PARP8: variants seen among roughly 807,000 people sequenced by gnomAD.
PARP8 encodes the protein protein mono-ADP-ribosyltransferase PARP8.
Under a neutral mutation model 124.1 loss-of-function variants are expected in PARP8, and 51 were observed. The ratio of observed to expected loss-of-function variants is 0.41; its 90% CI spans 0.33 to 0.52. The LOEUF (loss-of-function observed/expected upper bound fraction) is 0.52, where lower values mean the gene tolerates loss of function less well. PARP8 is among the 20% of genes least tolerant of loss of function. The pLI is 0.21. For missense variants in PARP8, 860 were observed against 1,018.9 expected (o/e 0.84, Z 2.12); for synonymous variants, 391 against 361.5 (o/e 1.08, Z -0.93).
rs1746592290 is a variant in PARP8, at chr5:50,828,508, T to A, written c.2163+124T>A. 8.8e-6 allele frequency: 7 copies of A among 799,952 alleles called. No homozygotes were observed. In the East Asian group the frequency reaches 1.7e-4, roughly 20 times the overall value. The allele number at this position is 799,952 out of a possible 1,614,324, so 49.6% of individuals were successfully genotyped here. ...ATGTGAGTAAGACATTATATGGAAT[T>A]TCTAGTAGGCATACTAGAACTGAAG... On this transcript the variant is annotated intron_variant, in intron 21 of 25. Transcript: ENST00000281631.
chr5:50,692,922 T>G (rs756714352), intron 2 of PARP8, among the ~76,000 whole-genome samples: 5 of 152,174 alleles, frequency 3.3e-5, no homozygotes, highest in Non-Finnish European at 7.4e-5. Context: ...CAGAGAGTTC[T>G]TTGAAGCAGG....
chr5:50,753,122 A>AG (rs1759443713), intron 3 of PARP8, among the ~76,000 whole-genome samples: 1 of 152,050 alleles, frequency 6.6e-6, no homozygotes, highest in African/African-American at 2.4e-5. Context: ...TTTATTTTGA[A>AG]GACAGTTTTT....
chr5:50,763,542 T>C (rs944839089), intron 7 of PARP8, among the ~76,000 whole-genome samples: 1 of 152,110 alleles, frequency 6.6e-6, no homozygotes, highest in Non-Finnish European at 1.5e-5. Flanking sequence ...GGGCCCATGC[T>C]GTTATCATAA....
intron 11 of PARP8, 90 bp downstream of exon 11, chr5:50,794,422 A>C: frequency 6.9e-7 from 1 of 1,442,490 alleles, no homozygotes; most frequent in South Asian, 1.5e-5. Context: ...TAGTGTTGGC[A>C]TCTGTTTATT....
At chr5:50,790,790 G>A (rs61302972) in intron 10 of PARP8, among the ~76,000 whole-genome samples, 2,371 of 152,120 alleles carry the variant, frequency 0.016, 66 homozygotes, top group African/African-American at 0.055. Context: ...ATCCCTATCC[G>A]AGTGATTAAT....
chr5:50,773,985 G>T (rs1280227708), intron 7 of PARP8, among the ~76,000 whole-genome samples: 1 of 152,074 alleles, frequency 6.6e-6, no homozygotes, highest in Admixed American at 6.5e-5. Flanking sequence ...GGTCCCTGCG[G>T]CCTTCCACAG....
chr5:50,667,602 G>T (rs1749468492), intron 1 of PARP8: 1 of 699,248 alleles, frequency 1.4e-6, no homozygotes, highest in African/African-American at 1.7e-5. Context: ...CGCTGCGCTT[G>T]TAAGCTGCGC....
chr5:50,791,651 G>A (rs1741968679), intron 10 of PARP8, among the ~76,000 whole-genome samples: 1 of 152,110 alleles, frequency 6.6e-6, no homozygotes, highest in Non-Finnish European at 1.5e-5. Context: ...ATCATTCAAA[G>A]GCTCAGCATA....
In PARP8 at chr5:50,833,980, C is replaced by A; in HGVS notation, c.2309C>A (p.Ser770Ter). The change falls in exon 24 of 26, where the codon TCA (serine) becomes TAA (stop). Residue 770 changes from serine (S) to a stop codon, truncating the protein, a stop_gained and splice_region_variant. Transcript: ENST00000281631. LOFTEE classifies it high-confidence loss of function. ...SSSKSSNTSQ[S>*]QKKGQQSQFL... is the part of the protein sequence containing the mutation. ...GTTTTAATTGTTTTTGGAATTTAGT[C>A]ACAGAAAAAAGGACAGCAATCCCAA... 6.2e-7 allele frequency: 1 copy of A among 1,608,946 alleles called. No individual in the cohort carries two copies. Among genetic ancestry groups the A allele is most frequent in the South Asian group, 1.1e-5 (1 of 90,788 alleles).
At position 50,703,458 on chromosome 5, in the gene PARP8, C is replaced by A. The variant is rs534166780; in HGVS notation, c.146+35333C>A. Among the ~76,000 whole-genome samples, 14 of 152,150 alleles carry A rather than the reference C, an allele frequency of 9.2e-5. No individual in the cohort carries two copies. In the South Asian group the frequency reaches 1.0e-3, roughly 11 times the overall value. ...ACTGTCCTGCTCAATGAGATCATTT[C>A]TTGGAGGTCTCCTTAGGGGGGTTTG... On this transcript the variant is annotated intron_variant, in intron 2 of 25. Coordinates refer to ENST00000281631, the MANE Select transcript of PARP8 (RefSeq NM_024615.4).
chr5:50,730,149 C>T (rs141456528), intron 2 of PARP8, among the ~76,000 whole-genome samples: 7 of 152,164 alleles, frequency 4.6e-5, no homozygotes, highest in Admixed American at 4.6e-4. Flanking sequence ...ATTGAGCTCT[C>T]AGTTCAGATT....
chr5:50,828,759 G>A (rs192214790), intron 21 of PARP8, among the ~76,000 whole-genome samples: 3 of 149,888 alleles, frequency 2.0e-5, no homozygotes, highest in Non-Finnish European at 4.5e-5. Context: ...TTATCCAGGC[G>A]TGGTAGCACA....
chr5:50,684,840 A>T (rs192719390), intron 2 of PARP8, among the ~76,000 whole-genome samples: 40 of 152,224 alleles, frequency 2.6e-4, no homozygotes, highest in African/African-American at 7.2e-4. Context: ...CATGTGGGGT[A>T]TGAGGGATTA....
intron 2 of PARP8, among the ~76,000 whole-genome samples, chr5:50,681,599 C>G (rs1751298314): frequency 6.6e-6 from 1 of 152,104 alleles, no homozygotes; most frequent in Admixed American, 6.6e-5. Flanking sequence ...CCAGTTTCAA[C>G]TAGTTGTGGA....
chr5:50,709,861 G>A (rs1246456440), intron 2 of PARP8, among the ~76,000 whole-genome samples: 3 of 148,640 alleles, frequency 2.0e-5, no homozygotes, highest in African/African-American at 4.9e-5. Context: ...GTGTGTGTGT[G>A]TGTGTGTGTG....
intron 2 of PARP8, among the ~76,000 whole-genome samples, chr5:50,684,852 G>T (rs950455687): frequency 2.6e-5 from 4 of 152,094 alleles, no homozygotes; most frequent in Non-Finnish European, 4.4e-5. Flanking sequence ...GAGGGATTAC[G>T]GTGTATTTGT....
At chr5:50,795,470 A>C in intron 12 of PARP8, 53 bp downstream of exon 12, 1 of 1,437,420 alleles carries the variant, frequency 7.0e-7, no homozygotes, top group Non-Finnish European at 9.3e-7. Context: ...GGTGCAGTAG[A>C]ATTTTTTTTT....
intron 3 of PARP8, among the ~76,000 whole-genome samples, chr5:50,753,081 C>T (rs1231100799): frequency 2.6e-5 from 4 of 151,348 alleles, no homozygotes; most frequent in Non-Finnish European, 4.4e-5. Flanking sequence ...AATAGAGAGG[C>T]CTTGTGATTT....
chr5:50,747,170 T>TG (rs1758671492), intron 2 of PARP8, among the ~76,000 whole-genome samples: 1 of 145,002 alleles, frequency 6.9e-6, no homozygotes, highest in African/African-American at 2.5e-5. Context: ...TTTGTTTTTT[T>TG]TTTTTTTTTT....
Sources: allele counts gnomAD v4.1 joint callset (sites outside exome capture counted in the v4.1 genomes callset), GRCh38; gene constraint gnomAD v4.1.1; transcripts MANE v1.5; gene names NCBI Gene and HGNC (gene_info 2026-07-23, HGNC 2026-07-21).